Variants in PTPRD observed in about 807,000 individuals in gnomAD.
PTPRD encodes protein tyrosine phosphatase receptor type D.
PTPRD carries 34 observed loss-of-function variants against 214.5 expected under a neutral mutation model. That is an observed-to-expected ratio of 0.16 (90% confidence interval 0.12 to 0.21). PTPRD has a LOEUF of 0.21. Among genes scored for constraint, PTPRD ranks in the 10% least tolerant of loss-of-function variants. The pLI is 1.00. For synonymous variants in PTPRD, 1,128 were observed against 845.7 expected, an observed-to-expected ratio of 1.33 and a Z score of -5.79; for missense variants, 2,545 against 2,398.7, an observed-to-expected ratio of 1.06 and a Z score of -1.27.
intron 7 of PTPRD, among the ~76,000 whole-genome samples, chr9:9,651,826 G>GT (rs869105633): frequency 0.15 from 8,333 of 55,118 alleles, 2,364 homozygotes; most frequent in Non-Finnish European, 0.22. Context: ...TTCAAGGTTT[G>GT]TTTTTTTTTT....
intron 2 of PTPRD, among the ~76,000 whole-genome samples, chr9:10,563,973 T>C (rs913903057): frequency 6.6e-6 from 1 of 151,708 alleles, no homozygotes; most frequent in African/African-American, 2.4e-5. Flanking sequence ...AAACATCATC[T>C]GTGCCAGTTG....
intron 2 of PTPRD, among the ~76,000 whole-genome samples, chr9:10,603,161 C>A (rs923923935): frequency 6.6e-6 from 1 of 151,780 alleles, no homozygotes; most frequent in Non-Finnish European, 1.5e-5. Flanking sequence ...GCTTGAAGGG[C>A]CACCCCAGGG....
At chr9:8,875,307 C>T (rs958619565) in intron 11 of PTPRD, among the ~76,000 whole-genome samples, 6 of 152,086 alleles carry the variant, frequency 3.9e-5, no homozygotes, top group South Asian at 2.1e-4. Flanking sequence ...AGGAGGATCC[C>T]GTGAGCCCAG....
At chr9:8,792,718 TAGA>T (rs1349731835) in intron 11 of PTPRD, among the ~76,000 whole-genome samples, 7 of 152,280 alleles carry the variant, frequency 4.6e-5, no homozygotes, top group East Asian at 1.9e-4. Flanking sequence ...TAACTATTGA[TAGA>T]AGAAGACGCA....
At chr9:10,163,583 T>C (rs983204541) in intron 3 of PTPRD, among the ~76,000 whole-genome samples, 7 of 151,492 alleles carry the variant, frequency 4.6e-5, no homozygotes, top group African/African-American at 1.4e-4. Context: ...ATTCATGCTA[T>C]CAGTTTATTT....
At chr9:9,658,118 A>G (rs1302708345) in intron 7 of PTPRD, among the ~76,000 whole-genome samples, 1 of 152,086 alleles carries the variant, frequency 6.6e-6, no homozygotes, top group Admixed American at 6.6e-5. Flanking sequence ...TTTTTATTTA[A>G]TGAGAGTAAT....
At chr9:10,361,245 G>A (rs1372492177) in intron 2 of PTPRD, among the ~76,000 whole-genome samples, 1 of 152,176 alleles carries the variant, frequency 6.6e-6, no homozygotes, top group African/African-American at 2.4e-5. Flanking sequence ...TCTTCCATCT[G>A]CTTTCAATCT....
At chr9:10,545,462 AG>A (rs2059983017) in intron 2 of PTPRD, among the ~76,000 whole-genome samples, 1 of 152,176 alleles carries the variant, frequency 6.6e-6, no homozygotes, top group Admixed American at 6.6e-5. Flanking sequence ...ATGGCTAATT[AG>A]TTCAACTGGT....
chr9:10,234,951 T>C (rs1291992769), intron 3 of PTPRD, among the ~76,000 whole-genome samples: 2 of 151,836 alleles, frequency 1.3e-5, no homozygotes, highest in African/African-American at 4.8e-5. Context: ...AGTTAGATCA[T>C]TAAAATATTT....
chr9:10,593,668 A>G (rs1191266944), intron 2 of PTPRD, among the ~76,000 whole-genome samples: 1 of 152,014 alleles, frequency 6.6e-6, no homozygotes, highest in Admixed American at 6.6e-5. Context: ...ATTAATACAA[A>G]GAGATTTTGA....
chr9:10,201,317 G>A (rs1285859702), intron 3 of PTPRD, among the ~76,000 whole-genome samples: 3 of 151,836 alleles, frequency 2.0e-5, no homozygotes, highest in African/African-American at 7.3e-5. Context: ...GTTAGTTATG[G>A]CATTAGTTAT....
Position 8,951,991 on chromosome 9 carries a change from C to A in PTPRD, c.-104+66706G>T, listed in dbSNP as rs1163572303. Among the ~76,000 whole-genome samples, 3 of 151,816 alleles carry A rather than the reference C, an allele frequency of 2.0e-5. No homozygotes were observed. In the East Asian group the frequency reaches 5.8e-4, roughly 29 times the overall value. ...TCTGCTCAATTGATTTCTGAAAGGC[C>A]ATTCATGAATATACATAATATATAT... On this transcript the variant is annotated intron_variant, in intron 11 of 45. Transcript: ENST00000381196.
rs540151008 is a variant in PTPRD, at chr9:8,822,106, T to G, written c.-103-88160A>C. Among the ~76,000 whole-genome samples, 3 of 152,386 alleles carry G rather than the reference T, an allele frequency of 2.0e-5. No homozygotes were observed. In the East Asian group the frequency reaches 5.8e-4, roughly 29 times the overall value. ...TTTTTAGTGGTTTTGGTTTTGGTTT[T>G]GTTTTGCTTAGTAAGCATTTTTCAG... On this transcript the variant is annotated intron_variant, in intron 11 of 45. Transcript: ENST00000381196.
Position 8,830,394 on chromosome 9 carries a change from G to A in PTPRD, c.-103-96448C>T. The stretch of plus-strand genomic sequence containing the variant: ...ATATGAGATAAATTTTATAGAAATT[G>A]TAAGACTTCTGGGCACTCTCAAAAG... On this transcript the variant is annotated intron_variant, in intron 11 of 45. Coordinates refer to ENST00000381196, the MANE Select transcript of PTPRD (RefSeq NM_002839.4). Among the ~76,000 whole-genome samples the A allele has an allele frequency of 1.3e-5, 2 of 152,226 alleles. 1 individual carries two copies. The highest frequency in any genetic ancestry group is 6.8e-3 in the Middle Eastern group (2 of 294).
chr9:9,121,519 C>A (rs2099817607), intron 10 of PTPRD, among the ~76,000 whole-genome samples: 1 of 152,152 alleles, frequency 6.6e-6, no homozygotes, highest in Non-Finnish European at 1.5e-5. Flanking sequence ...ACAGCATTTG[C>A]AATGACCTGG....
chr9:10,517,975 T>A (rs1036121590), intron 2 of PTPRD, among the ~76,000 whole-genome samples: 1 of 152,056 alleles, frequency 6.6e-6, no homozygotes, highest in Non-Finnish European at 1.5e-5. Context: ...TGAATACGAA[T>A]TGGAATATAT....
At chr9:10,586,484 A>C (rs1436551154) in intron 2 of PTPRD, among the ~76,000 whole-genome samples, 3 of 152,108 alleles carry the variant, frequency 2.0e-5, no homozygotes, top group African/African-American at 7.2e-5. Context: ...AAGAAAGCCC[A>C]AAAATTGCAT....
chr9:9,728,329 A>C (rs2098128105), intron 7 of PTPRD, among the ~76,000 whole-genome samples: 1 of 152,332 alleles, frequency 6.6e-6, no homozygotes. Context: ...TTTATGAGTC[A>C]TAATTTGTTG....
intron 3 of PTPRD, among the ~76,000 whole-genome samples, chr9:10,335,847 T>G (rs1388671758): frequency 2.0e-5 from 3 of 151,748 alleles, no homozygotes; most frequent in Non-Finnish European, 4.4e-5. Flanking sequence ...GAAAAGATGC[T>G]CACCATGTCA....
Sources: gnomAD v4.1 joint callset for allele counts (sites outside exome capture counted in the v4.1 genomes callset) on GRCh38, gnomAD v4.1.1 for gene constraint, MANE v1.5 for transcripts, NCBI Gene and HGNC (gene_info 2026-07-23, HGNC 2026-07-21) for gene names.